PRKAB1: variants seen among roughly 807,000 people sequenced by gnomAD.
PRKAB1 encodes protein kinase AMP-activated non-catalytic subunit beta 1.
In PRKAB1, 18 loss-of-function variants were observed where a neutral mutation model predicts 32.0. The ratio of observed to expected loss-of-function variants is 0.56; its 90% confidence interval spans 0.39 to 0.83. PRKAB1 has a LOEUF of 0.83. PRKAB1 is among the 40% of genes least tolerant of loss of function. PRKAB1 has a pLI of 0.00. For synonymous variants in PRKAB1, 141 were observed against 141.4 expected (o/e 1.00, Z 0.02); for missense variants, 263 against 352.6 (o/e 0.75, Z 2.03).
chr12:119,679,682 G>A lies in PRKAB1; in HGVS notation c.667-251G>A, dbSNP rs112077964. The A allele has an allele frequency of 8.0e-6, 4 of 501,628 alleles. No homozygotes were observed. Among genetic ancestry groups the A allele is most frequent in the African/African-American group, 3.9e-5 (2 of 51,456 alleles). 31.1% of individuals were successfully genotyped at this position (501,628 alleles called of 1,614,324 possible). A position where few individuals can be genotyped will look rare whatever the true frequency, so the allele number is the denominator to read the frequency against. ...GGGCCGTGGCCCACACTTGAAAGAG[G>A]CCGGGGTAAATGCCTGGCCAGAGAC... On this transcript the variant is annotated intron_variant, in intron 5 of 6. Transcript: ENST00000229328. The surrounding 1 kb of genome is among the most constrained non-coding windows in gnomAD (Gnocchi z 4.1).
chr12:119,668,554 T>A, intron 1 of PRKAB1, 151 bp downstream of exon 1: 1 of 1,110,732 alleles, frequency 9.0e-7, no homozygotes, highest in Non-Finnish European at 1.3e-6. Context: ...GATGGTCCTG[T>A]AAGAGTTCTC....
upstream of PRKAB1, chr12:119,668,009 G>C (rs950826316): frequency 2.0e-6 from 1 of 512,416 alleles, no homozygotes; most frequent in Non-Finnish European, 3.3e-6. Context: ...GTTTATCTTC[G>C]CGCCCCTTGC....
chr12:119,671,549 A>AT lies in PRKAB1; in HGVS notation c.160-751dup, dbSNP rs1202770380. ...GGAAATGCCAGATGCTTATAAAACC[A>AT]TCAGATCTCATGAGACTCACTCACT... On this transcript the variant is annotated intron_variant, in intron 1 of 6. Transcript: ENST00000229328. 1.0e-5 allele frequency: 4 copies of AT among 385,744 alleles called. No homozygotes were observed. In the Admixed American group the frequency reaches 1.1e-4, roughly 10 times the overall value. The allele number at this position is 385,744 out of a possible 1,614,324, so 23.9% of individuals were successfully genotyped here.
chr12:119,674,262 C>A lies in PRKAB1; in HGVS notation c.418-78C>A. 3 of 1,255,130 alleles carry A rather than the reference C, an allele frequency of 2.4e-6. No homozygotes were observed. The highest frequency in any genetic ancestry group is 3.4e-6 in the Non-Finnish European group (3 of 875,470). The allele number at this position is 1,255,130 out of a possible 1,614,324, so 77.7% of individuals were successfully genotyped here. A position where few individuals can be genotyped will look rare whatever the true frequency, so the allele number is the denominator to read the frequency against. On this transcript the variant is annotated intron_variant, in intron 3 of 6. Transcript: ENST00000229328. The surrounding 1 kb of genome is among the most constrained non-coding windows in gnomAD (Gnocchi z 4.3). The stretch of plus-strand genomic sequence containing the variant: ...CTAGCCAGGAGATGAGGCCTTCCAG[C>A]CAGGAATTCCAAGTCCTCTGAAGAA...
intron 1 of PRKAB1, among the ~76,000 whole-genome samples, chr12:119,670,811 G>A (rs1428102052): frequency 3.9e-5 from 6 of 152,188 alleles, no homozygotes; most frequent in East Asian, 1.9e-4. Flanking sequence ...TATCCTTAGT[G>A]TGAAGTGATT....
In PRKAB1 at chr12:119,673,966, A is replaced by G. The variant is rs1377282629; in HGVS notation, c.326A>G (p.His109Arg). 3 of 1,612,482 alleles carry G rather than the reference A, an allele frequency of 1.9e-6. No homozygotes were observed. Among genetic ancestry groups the G allele is most frequent in the Admixed American group, 1.7e-5 (1 of 59,658 alleles). ...CTCTGCTTCCTTTTTCCTTGCAGCC[A>G]CAATAACTTTGTAGCCATCCTGGAT... is the stretch of plus-strand genomic sequence containing the variant. ...NWSKLPLTRS[H>R]NNFVAILDLP... The change falls in exon 3 of 7, where the codon CAC (histidine) becomes CGC (arginine). Residue 109 changes from histidine (H) to arginine (R), a missense_variant and splice_region_variant. His to Arg is a conservative substitution (Grantham distance 29). Coordinates refer to ENST00000229328, the MANE Select transcript of PRKAB1 (RefSeq NM_006253.5).
chr12:119,674,237 C>A lies in PRKAB1; in HGVS notation c.418-103C>A. The A allele has an allele frequency of 9.2e-7, 1 of 1,082,040 alleles. No homozygotes were observed. The highest frequency in any genetic ancestry group is 1.4e-6 in the Non-Finnish European group (1 of 727,850). 67.0% of individuals were successfully genotyped at this position (1,082,040 alleles called of 1,614,324 possible). A position where few individuals can be genotyped will look rare whatever the true frequency, so the allele number is the denominator to read the frequency against. On this transcript the variant is annotated intron_variant, in intron 3 of 6. Transcript: ENST00000229328. This position sits in a 1 kb window ranked among gnomAD's most constrained non-coding sequence, Gnocchi z 4.3. ...TACTTGACCAAGATGAGCAGGGTGGCTAGCCAGGAGATGAGGCCTTCCAGC... is the reference window on the plus strand; with the variant it reads ...TACTTGACCAAGATGAGCAGGGTGGATAGCCAGGAGATGAGGCCTTCCAGC...
intron 5 of PRKAB1, chr12:119,677,265 G>A (rs1955432644): frequency 6.6e-6 from 1 of 152,286 alleles, no homozygotes; most frequent in Admixed American, 6.5e-5. Flanking sequence ...ATTCAGCTTG[G>A]TCCAAGCTAC....
At position 119,680,538 on chromosome 12, in the gene PRKAB1, T is replaced by G. The variant is rs1027494810; in HGVS notation, c.*213T>G. The G allele has an allele frequency of 8.6e-6, 5 of 583,324 alleles. No homozygotes were observed. The Admixed American group carries it at 1.2e-4, about 14-fold the overall frequency. 36.1% of individuals were successfully genotyped at this position (583,324 alleles called of 1,614,324 possible). Reference sequence around the variant, plus strand: ...ACAGTCCTCCTAGCACCCCCATGGCTTTGAGCCTCGGGGACTCATCAAGTC... The same window carrying G: ...ACAGTCCTCCTAGCACCCCCATGGCGTTGAGCCTCGGGGACTCATCAAGTC... On this transcript the variant is annotated 3_prime_UTR_variant, in exon 7 of 7. Transcript: ENST00000229328.
chr12:119,678,290 G>A (rs376343806), intron 5 of PRKAB1: 23 of 152,288 alleles, frequency 1.5e-4, no homozygotes, highest in African/African-American at 5.1e-4. Context: ...AGTGCTTTTC[G>A]TGTATTCTTA....
chr12:119,680,381 G>C lies in PRKAB1; in HGVS notation c.*56G>C. On this transcript the variant is annotated 3_prime_UTR_variant, in exon 7 of 7. Coordinates refer to ENST00000229328, the MANE Select transcript of PRKAB1 (RefSeq NM_006253.5). ...CAGCACACCACCAGGCTCCACACGT[G>C]CATGCTTTCCCCAAGAGGGAATGGA... 6 of 1,506,516 alleles carry C rather than the reference G, an allele frequency of 4.0e-6. No homozygotes were observed. Among genetic ancestry groups the C allele is most frequent in the Non-Finnish European group, 4.6e-6 (5 of 1,085,066 alleles). 93.3% of individuals were successfully genotyped at this position (1,506,516 alleles called of 1,614,324 possible).
Position 119,672,380 on chromosome 12 carries a change from C to CGGT in PRKAB1, c.241_243dup (p.Val81dup). 6.2e-7 allele frequency: 1 copy of CGGT among 1,612,882 alleles called. No individual in the cohort carries two copies. Among genetic ancestry groups the CGGT allele is most frequent in the Non-Finnish European group, 8.5e-7 (1 of 1,179,464 alleles). ...AAAGCTCCCGCCCAGGCTCGGCCAACGGTGTTTCGATGGACGGGGGGCGGA... is the reference window on the plus strand; with the variant it reads ...AAAGCTCCCGCCCAGGCTCGGCCAACGGTGGTGTTTCGATGGACGGGGGGCGGA... On this transcript the variant is annotated inframe_insertion, in exon 2 of 7. Coordinates refer to ENST00000229328, the MANE Select transcript of PRKAB1 (RefSeq NM_006253.5).
At position 119,680,338 on chromosome 12, in the gene PRKAB1, G is replaced by T. The variant is rs113490061; in HGVS notation, c.*13G>T. The T allele has an allele frequency of 1.2e-3, 1,996 of 1,610,274 alleles. 16 individuals are homozygous for T. In the African/African-American group the frequency reaches 0.023, roughly 18 times the overall value. ...CAAGCCCATATGAAGAGCTGGGGGCGGATGGTGGCCCAGGAGACAGCACAC... is the reference window on the plus strand; with the variant it reads ...CAAGCCCATATGAAGAGCTGGGGGCTGATGGTGGCCCAGGAGACAGCACAC... On this transcript the variant is annotated 3_prime_UTR_variant, in exon 7 of 7. Transcript: ENST00000229328.
Position 119,681,016 on chromosome 12 carries a change from A to G in PRKAB1, c.*691A>G, listed in dbSNP as rs1042567532. The G allele has an allele frequency of 9.8e-5, 15 of 152,668 alleles. No individual in the cohort carries two copies. Among genetic ancestry groups the G allele is most frequent in the African/African-American group, 3.4e-4 (14 of 41,460 alleles). The allele number at this position is 152,668 out of a possible 1,614,324, so 9.5% of individuals were successfully genotyped here. A position where few individuals can be genotyped will look rare whatever the true frequency, so the allele number is the denominator to read the frequency against. Reference sequence around the variant, plus strand: ...TTAAGTCACCACGTCTAGAAGTCACATGAACTCTGCTCAGCAATAATCTGT... The same window carrying G: ...TTAAGTCACCACGTCTAGAAGTCACGTGAACTCTGCTCAGCAATAATCTGT... On this transcript the variant is annotated 3_prime_UTR_variant, in exon 7 of 7. Transcript: ENST00000229328.
chr12:119,674,243 A>C lies in PRKAB1; in HGVS notation c.418-97A>C. 9.1e-7 allele frequency: 1 copy of C among 1,104,522 alleles called. No individual in the cohort carries two copies. Among genetic ancestry groups the C allele is most frequent in the Non-Finnish European group, 1.3e-6 (1 of 745,164 alleles). 68.4% of individuals were successfully genotyped at this position (1,104,522 alleles called of 1,614,324 possible). On this transcript the variant is annotated intron_variant, in intron 3 of 6. Coordinates refer to ENST00000229328, the MANE Select transcript of PRKAB1 (RefSeq NM_006253.5). This position sits in a 1 kb window ranked among gnomAD's most constrained non-coding sequence, Gnocchi z 4.3. ...ACCAAGATGAGCAGGGTGGCTAGCC[A>C]GGAGATGAGGCCTTCCAGCCAGGAA...
chr12:119,671,434 T>G, intron 1 of PRKAB1: 1 of 381,948 alleles, frequency 2.6e-6, no homozygotes. Context: ...TTGACTCAGT[T>G]CCGCATGGCT....
chr12:119,679,435 A>G lies in PRKAB1; in HGVS notation c.667-498A>G, dbSNP rs1593333269. The G allele has an allele frequency of 6.2e-6, 1 of 162,054 alleles. No homozygotes were observed. Among genetic ancestry groups the G allele is most frequent in the African/African-American group, 2.4e-5 (1 of 41,578 alleles). The allele number at this position is 162,054 out of a possible 1,614,324, so 10.0% of individuals were successfully genotyped here. ...TTCTGGCTTCTCTTAAAACATAGGAAGGTGCGGCGGGCAGCTCTGAGTGCC... is the reference window on the plus strand; with the variant it reads ...TTCTGGCTTCTCTTAAAACATAGGAGGGTGCGGCGGGCAGCTCTGAGTGCC... On this transcript the variant is annotated intron_variant, in intron 5 of 6. Coordinates refer to ENST00000229328, the MANE Select transcript of PRKAB1 (RefSeq NM_006253.5). This position sits in a 1 kb window ranked among gnomAD's most constrained non-coding sequence, Gnocchi z 4.1.
chr12:119,680,809 C>CT lies in PRKAB1; in HGVS notation c.*486dup, dbSNP rs1182027522. 6.4e-6 allele frequency: 1 copy of CT among 155,306 alleles called. No homozygotes were observed. The highest frequency in any genetic ancestry group is 3.1e-3 in the Middle Eastern group (1 of 322). The allele number at this position is 155,306 out of a possible 1,614,324, so 9.6% of individuals were successfully genotyped here. A position where few individuals can be genotyped will look rare whatever the true frequency, so the allele number is the denominator to read the frequency against. On this transcript the variant is annotated 3_prime_UTR_variant, in exon 7 of 7. Transcript: ENST00000229328. ...CTATGGAACTAAATACAGTGTTGGTCTTGCCTGTCCTTCAAAATCAACAAC... is the reference window on the plus strand; with the variant it reads ...CTATGGAACTAAATACAGTGTTGGTCTTTGCCTGTCCTTCAAAATCAACAAC...
At position 119,673,991 on chromosome 12, in the gene PRKAB1, T is replaced by A. The variant is rs764289933; in HGVS notation, c.351T>A (p.Asp117Glu). 6.2e-7 allele frequency: 1 copy of A among 1,613,874 alleles called. No individual in the cohort carries two copies. The highest frequency in any genetic ancestry group is 8.5e-7 in the Non-Finnish European group (1 of 1,179,884). Residue 117 changes from aspartate to glutamate, a missense_variant, in exon 3 of 7, where the codon GAT (aspartate) becomes GAA (glutamate). Transcript: ENST00000229328. ...RSHNNFVAIL[D>E]LPEGEHQYKF... ...ACAATAACTTTGTAGCCATCCTGGA[T>A]CTGCCGGAAGGAGAGCATCAGTACA...
Sources: allele counts gnomAD v4.1 joint callset (sites outside exome capture counted in the v4.1 genomes callset), GRCh38; gene constraint gnomAD v4.1.1; non-coding constraint Gnocchi (gnomAD v3.1); transcripts MANE v1.5; gene names NCBI Gene and HGNC (gene_info 2026-07-23, HGNC 2026-07-21).